The following PDHA1 variants were observed in gnomAD, a reference collection of about 807,000 sequenced individuals.
PDHA1 encodes pyruvate dehydrogenase E1 subunit alpha 1.
In PDHA1, 1 loss-of-function variant was observed where a neutral mutation model predicts 33.0. The observed-to-expected ratio is 0.03, with a 90% CI of 0.01 to 0.14. PDHA1 has a LOEUF of 0.14. PDHA1 is among the 10% of genes least tolerant of loss of function. The pLI, the probability that PDHA1 is intolerant of heterozygous loss-of-function variation, is 1.00. For missense variants in PDHA1, 168 were observed against 325.1 expected (o/e 0.52, Z 3.72); for synonymous variants, 123 against 119.2 (o/e 1.03, Z -0.21).
chrX:19,355,076 T>C (rs1347598542), intron 6 of PDHA1, among the ~76,000 whole-genome samples: 1 of 112,409 alleles, frequency 8.9e-6, no homozygotes, highest in Non-Finnish European at 1.9e-5. Flanking sequence ...TTCATATTGA[T>C]CTTTTTTCCA....
Position 19,359,794 on chromosome X carries a change from TAATTGCATGC to T in PDHA1, c.*143_*152del. On this transcript the variant is annotated 3_prime_UTR_variant, in exon 11 of 11. Transcript: ENST00000422285. Reference sequence around the variant, plus strand: ...TTAAGTGTGTAGATTGAGCAGGTAGTAATTGCATGCAGTTTGTACATTAGTGCATTAAAAG... The same window carrying T: ...TTAAGTGTGTAGATTGAGCAGGTAGTAGTTTGTACATTAGTGCATTAAAAG... 2 of 543,096 alleles carry T rather than the reference TAATTGCATGC, an allele frequency of 3.7e-6. No individual in the cohort carries two copies. Among genetic ancestry groups the T allele is most frequent in the Non-Finnish European group, 6.3e-6 (2 of 316,342 alleles). 44.8% of individuals were successfully genotyped at this position (543,096 alleles called of 1,213,427 possible).
chrX:19,357,854 A>AAGTT (rs2063214484), intron 9 of PDHA1, 135 bp downstream of exon 9: 1 of 533,940 alleles, frequency 1.9e-6, no homozygotes. Context: ...GTTGGGCATC[A>AAGTT]AGTTATCTGA....
rs764801500 is a variant in PDHA1 at position 19,360,062 on chromosome X, A to AAGAT, written c.*411_*414dup. ...CTGTTCGCGCTGACCATTTCTCTAC[A>AAGAT]AGATACAATATTTATTATCAGGCAA... On this transcript the variant is annotated 3_prime_UTR_variant, in exon 11 of 11. Coordinates refer to ENST00000422285, the MANE Select transcript of PDHA1 (RefSeq NM_000284.4). 2.1e-4 allele frequency: 43 copies of AAGAT among 200,680 alleles called. No individual in the cohort carries two copies. Among genetic ancestry groups the AAGAT allele is most frequent in the South Asian group, 1.3e-3 (17 of 13,020 alleles). 16.5% of individuals were successfully genotyped at this position (200,680 alleles called of 1,213,427 possible). A position where few individuals can be genotyped will look rare whatever the true frequency, so the allele number is the denominator to read the frequency against.
In PDHA1 at chrX:19,360,094, A is replaced by G. The variant is rs932293745; in HGVS notation, c.*441A>G. On this transcript the variant is annotated 3_prime_UTR_variant, in exon 11 of 11. Coordinates refer to ENST00000422285, the MANE Select transcript of PDHA1 (RefSeq NM_000284.4). ...AATATTTATTATCAGGCAAGAGGAC[A>G]GTTCCATTTTAAAATAAGACTTTTG... The G allele has an allele frequency of 1.1e-4, 17 of 160,729 alleles. No homozygotes were observed. Among genetic ancestry groups the G allele is most frequent in the Non-Finnish European group, 1.9e-4 (16 of 86,002 alleles). The allele number at this position is 160,729 out of a possible 1,213,427, so 13.2% of individuals were successfully genotyped here.
intron 5 of PDHA1, among the ~76,000 whole-genome samples, chrX:19,353,766 C>T: frequency 9.0e-6 from 1 of 111,094 alleles, no homozygotes; most frequent in East Asian, 2.8e-4. Flanking sequence ...GGAGCCATAC[C>T]TTCCCCTTCC....
chrX:19,353,161 C>T lies in PDHA1; in HGVS notation c.498C>T (p.Ile166=), dbSNP rs2147178249. 8.3e-7 allele frequency: 1 copy of T among 1,197,646 alleles called. No homozygotes were observed. Among genetic ancestry groups the T allele is most frequent in the Non-Finnish European group, 1.1e-6 (1 of 882,721 alleles). The change falls in exon 5 of 11, where the codon ATC becomes ATT. Residue 166 remains isoleucine (I), a synonymous_variant. Transcript: ENST00000422285. ...YAKNFYGGNG[I]VGAQVPLGAG... Reference sequence around the variant, plus strand: ...AGAACTTCTACGGGGGCAATGGCATCGTGGGAGCGCAGGTAGTCAAGGACG... The same window carrying T: ...AGAACTTCTACGGGGGCAATGGCATTGTGGGAGCGCAGGTAGTCAAGGACG...
In PDHA1 at chrX:19,360,828, C is replaced by T; in HGVS notation, c.*1175C>T. On this transcript the variant is annotated 3_prime_UTR_variant, in exon 11 of 11. Coordinates refer to ENST00000422285, the MANE Select transcript of PDHA1 (RefSeq NM_000284.4). ...CGCACTCCAGAGTCTGCAGAGGAGA[C>T]CACCCCTGGGAAACAAACACAGCTG... is the stretch of plus-strand genomic sequence containing the variant. 1.7e-6 allele frequency: 2 copies of T among 1,200,843 alleles called. No homozygotes were observed. Among genetic ancestry groups the T allele is most frequent in the Non-Finnish European group, 2.2e-6 (2 of 889,694 alleles).
intron 9 of PDHA1, among the ~76,000 whole-genome samples, 155 bp downstream of exon 9, chrX:19,357,874 C>G (rs1232571580): frequency 8.9e-6 from 1 of 111,907 alleles, no homozygotes; most frequent in Non-Finnish European, 1.9e-5. Flanking sequence ...AAAGCAGTGC[C>G]TCCTAATAAG....
At chrX:19,355,313 A>C (rs1454502805) in intron 6 of PDHA1, 36 bp from the exon 7 acceptor site, 1 of 1,199,587 alleles carries the variant, frequency 8.3e-7, no homozygotes, top group African/African-American at 1.7e-5. Context: ...CTGGAGAAAG[A>C]AGCCAAATGA....
chrX:19,351,034 C>T (rs980633235), intron 3 of PDHA1, among the ~76,000 whole-genome samples: 9 of 111,704 alleles, frequency 8.1e-5, no homozygotes, highest in African/African-American at 2.9e-4. Context: ...TTAATGTTGA[C>T]ATCTGATGTA....
intron 8 of PDHA1, 33 bp from the exon 9 acceptor site, chrX:19,357,619 T>TAACTA (rs1555934831): frequency 8.6e-7 from 1 of 1,157,154 alleles, no homozygotes; most frequent in East Asian, 3.0e-5. Context: ...TCATCGTTCC[T>TAACTA]AACTAACTAA....
intron 8 of PDHA1, 78 bp from the exon 9 acceptor site, chrX:19,357,574 G>A (rs1023820890): frequency 1.4e-5 from 11 of 800,158 alleles, no homozygotes; most frequent in Admixed American, 2.2e-5. Flanking sequence ...AAGGGCCTGC[G>A]TTTGAGGCCG....
intron 7 of PDHA1, 43 bp from the exon 8 acceptor site, chrX:19,355,643 G>A (rs1208032308): frequency 8.7e-7 from 1 of 1,143,104 alleles, no homozygotes; most frequent in Non-Finnish European, 1.2e-6. Flanking sequence ...AATGGTTTGG[G>A]GCAGTTGGAT....
intron 8 of PDHA1, among the ~76,000 whole-genome samples, chrX:19,356,504 T>C (rs369721009): frequency 2.7e-5 from 3 of 110,872 alleles, no homozygotes; most frequent in African/African-American, 6.6e-5. Flanking sequence ...AGCTAATGAG[T>C]AGAATGAACT....
intron 1 of PDHA1, among the ~76,000 whole-genome samples, chrX:19,345,008 G>C (rs1312510355): frequency 9.0e-6 from 1 of 111,316 alleles, no homozygotes; most frequent in African/African-American, 3.3e-5. Flanking sequence ...CACATTCTTA[G>C]GGTACAAGTA....
At chrX:19,350,624 T>C (rs1166607722) in intron 3 of PDHA1, among the ~76,000 whole-genome samples, 1 of 112,651 alleles carries the variant, frequency 8.9e-6, no homozygotes, top group East Asian at 2.8e-4. Context: ...AAGCTTAGGC[T>C]AAAGAATTCA....
rs770975182 is a variant in PDHA1 at position 19,355,688 on chromosome X, G to A, written c.762G>A (p.Val254=). ...GCCCCTCCCCTGTTTATTACCAGGT[G>A]GATGGAATGGATATCCTGTGCGTCC... ...KRGDFIPGLR[V]DGMDILCVRE... Residue 254 remains valine (V), a splice_region_variant and synonymous_variant, in exon 8 of 11, where the codon GTG becomes GTA. Transcript: ENST00000422285. 3 of 1,203,170 alleles carry A rather than the reference G, an allele frequency of 2.5e-6. No homozygotes were observed. The highest frequency in any genetic ancestry group is 3.4e-6 in the Non-Finnish European group (3 of 888,693).
rs1294663884 is a variant in PDHA1 at position 19,351,325 on chromosome X, C to T, written c.336C>T (p.Asp112=). ...VGLEAGINPT[D]HLITAYRAHG... is the part of the protein sequence containing the mutation. ...TGGAGGCCGGCATCAACCCCACAGA[C>T]CATCTCATCACAGCCTACCGGGCTC... is the stretch of plus-strand genomic sequence containing the variant. Residue 112 remains aspartate (D), a synonymous_variant, in exon 4 of 11, where the codon GAC becomes GAT. Transcript: ENST00000422285. 8.3e-7 allele frequency: 1 copy of T among 1,203,965 alleles called. No individual in the cohort carries two copies. The highest frequency in any genetic ancestry group is 1.1e-6 in the Non-Finnish European group (1 of 889,727).
intron 1 of PDHA1, among the ~76,000 whole-genome samples, chrX:19,347,095 T>C (rs1411634811): frequency 1.8e-5 from 2 of 111,011 alleles, no homozygotes; most frequent in African/African-American, 6.6e-5. Flanking sequence ...GAGAGTCTCA[T>C]GTTGCCCAGG....
Sources: allele counts gnomAD v4.1 joint callset (sites outside exome capture counted in the v4.1 genomes callset), GRCh38; gene constraint gnomAD v4.1.1; transcripts MANE v1.5; gene names NCBI Gene and HGNC (gene_info 2026-07-23, HGNC 2026-07-21).